PRKCA: variants seen among roughly 807,000 people sequenced by gnomAD.
PRKCA encodes protein kinase C alpha, also known as protein kinase C alpha type.
PRKCA carries 27 observed loss-of-function variants against 87.0 expected under a neutral mutation model. That is an observed-to-expected ratio of 0.31 (90% CI 0.23 to 0.43). The LOEUF (loss-of-function observed/expected upper bound fraction) is 0.43. Among genes scored for constraint, PRKCA ranks in the 20% least tolerant of loss-of-function variants. The probability of loss-of-function intolerance (pLI) is 1.00; values close to 1 mark genes in which losing one functional copy is unlikely to be tolerated. For synonymous variants in PRKCA, 329 were observed against 311.1 expected (o/e 1.06, Z -0.61); for missense variants, 518 against 852.3 (o/e 0.61, Z 4.88).
chr17:66,748,939 C>T (rs1389409601), intron 13 of PRKCA, among the ~76,000 whole-genome samples: 2 of 151,862 alleles, frequency 1.3e-5, no homozygotes, highest in South Asian at 2.1e-4. Context: ...GGAGACCTCA[C>T]GGTGGCAGGA....
At chr17:66,690,950 C>G (rs1972767387) in intron 8 of PRKCA, among the ~76,000 whole-genome samples, 1 of 151,906 alleles carries the variant, frequency 6.6e-6, no homozygotes, top group Non-Finnish European at 1.5e-5. Context: ...TTGAAATCAG[C>G]CTGGGCAACA....
At chr17:66,314,618 G>A (rs903923206) in intron 2 of PRKCA, among the ~76,000 whole-genome samples, 17 of 152,078 alleles carry the variant, frequency 1.1e-4, no homozygotes, top group East Asian at 3.9e-4. Flanking sequence ...CATCTGTCCC[G>A]TCCACGGTGA....
intron 2 of PRKCA, among the ~76,000 whole-genome samples, chr17:66,382,035 G>A (rs747881938): frequency 1.6e-4 from 25 of 152,150 alleles, no homozygotes; most frequent in Non-Finnish European, 2.6e-4. Flanking sequence ...TCCTCTGTTT[G>A]TCACCATTAT....
rs180728784 is a variant in PRKCA, at chr17:66,384,407, A to C, written c.205+78280A>C. On this transcript the variant is annotated intron_variant, in intron 2 of 16. Coordinates refer to ENST00000413366, the MANE Select transcript of PRKCA (RefSeq NM_002737.3). The stretch of plus-strand genomic sequence containing the variant: ...TCATTAAAACCAGGGATTTTCTCGC[A>C]CATTTCCTAAGAGAATTACAAATAT... Among the ~76,000 whole-genome samples the C allele has an allele frequency of 2.6e-5, 4 of 152,336 alleles. No individual in the cohort carries two copies. In the East Asian group the frequency reaches 7.7e-4, roughly 29 times the overall value.
intron 3 of PRKCA, among the ~76,000 whole-genome samples, chr17:66,609,494 G>A (rs1387450730): frequency 6.6e-6 from 1 of 152,176 alleles, no homozygotes; most frequent in Non-Finnish European, 1.5e-5. Context: ...TCATCGATCA[G>A]TCCTGTCGGT....
At chr17:66,645,641 C>A in intron 5 of PRKCA, 130 bp downstream of exon 5, 2 of 1,338,654 alleles carry the variant, frequency 1.5e-6, no homozygotes, top group Non-Finnish European at 2.1e-6. Context: ...CCTGGTGGAG[C>A]CATCACTGTC....
chr17:66,334,269 C>T (rs1171258290), intron 2 of PRKCA, among the ~76,000 whole-genome samples: 1 of 151,890 alleles, frequency 6.6e-6, no homozygotes, highest in Non-Finnish European at 1.5e-5. Context: ...CAAAACAAAA[C>T]ACCAAAAAAA....
chr17:66,623,094 G>A (rs946330994), intron 3 of PRKCA, among the ~76,000 whole-genome samples: 9 of 152,130 alleles, frequency 5.9e-5, no homozygotes, highest in African/African-American at 2.2e-4. Context: ...ATCTTCCACT[G>A]GTCATTTCTT....
Position 66,732,595 on chromosome 17 carries a change from G to C in PRKCA, c.919-93G>C. The C allele has an allele frequency of 4.0e-6, 6 of 1,516,506 alleles. 1 individual carries two copies. In the South Asian group the frequency reaches 6.8e-5, roughly 17 times the overall value. The allele number at this position is 1,516,506 out of a possible 1,614,324, so 93.9% of individuals were successfully genotyped here. A position where few individuals can be genotyped will look rare whatever the true frequency, so the allele number is the denominator to read the frequency against. On this transcript the variant is annotated intron_variant, in intron 8 of 16. Transcript: ENST00000413366. ...TTTTCTCACCCCATCCCACCTCCAA[G>C]CAAACATTAAACTCAGTTACAACAC...
At chr17:66,525,183 A>C (rs1410622379) in intron 3 of PRKCA, among the ~76,000 whole-genome samples, 1 of 152,160 alleles carries the variant, frequency 6.6e-6, no homozygotes, top group African/African-American at 2.4e-5. Flanking sequence ...CTCCTGGAGG[A>C]TGAGAGACCA....
At chr17:66,516,492 G>A (rs1160686786) in intron 3 of PRKCA, among the ~76,000 whole-genome samples, 14 of 152,106 alleles carry the variant, frequency 9.2e-5, no homozygotes, top group Admixed American at 9.2e-4. Context: ...AATTAGCCAG[G>A]CGTGATGGTG....
chr17:66,763,924 C>T (rs2093348324), intron 13 of PRKCA, among the ~76,000 whole-genome samples: 1 of 152,144 alleles, frequency 6.6e-6, no homozygotes, highest in African/African-American at 2.4e-5. Flanking sequence ...CTGTTTTGAT[C>T]CTGTTAAGCA....
chr17:66,659,413 G>C (rs1407653710), intron 5 of PRKCA, among the ~76,000 whole-genome samples: 1 of 152,146 alleles, frequency 6.6e-6, no homozygotes, highest in Non-Finnish European at 1.5e-5. Context: ...CTGTGGAGCA[G>C]AGTTTGAAAG....
intron 2 of PRKCA, among the ~76,000 whole-genome samples, chr17:66,394,856 C>T (rs891152832): frequency 6.6e-6 from 1 of 152,104 alleles, no homozygotes; most frequent in Non-Finnish European, 1.5e-5. Flanking sequence ...GGTGCCTTGC[C>T]TCCCCTTCGC....
At position 66,346,455 on chromosome 17, in the gene PRKCA, C is replaced by T. The variant is rs550879540; in HGVS notation, c.205+40328C>T. 5.2e-4 allele frequency among the ~76,000 whole-genome samples: 79 copies of T among 151,718 alleles called. 1 individual carries two copies. Among genetic ancestry groups the T allele is most frequent in the African/African-American group, 1.7e-3 (70 of 41,378 alleles). On this transcript the variant is annotated intron_variant, in intron 2 of 16. Transcript: ENST00000413366. Reference sequence around the variant, plus strand: ...AGAGACAGAGTCTTGCTATATTGCCCGGGATGGACTTTTGAACTCTTGGGC... The same window carrying T: ...AGAGACAGAGTCTTGCTATATTGCCTGGGATGGACTTTTGAACTCTTGGGC...
At chr17:66,731,870 GC>G (rs1329272862) in intron 8 of PRKCA, among the ~76,000 whole-genome samples, 1 of 121,674 alleles carries the variant, frequency 8.2e-6, no homozygotes, top group Non-Finnish European at 1.6e-5. Context: ...TGCAACCTCC[GC>G]CCCCCGCCCC....
intron 2 of PRKCA, among the ~76,000 whole-genome samples, chr17:66,453,415 T>C (rs916759458): frequency 6.6e-6 from 1 of 151,996 alleles, no homozygotes; most frequent in Non-Finnish European, 1.5e-5. Flanking sequence ...CCTCCTGGGT[T>C]CAAGCGATTC....
chr17:66,481,804 T>C (rs895583662), intron 2 of PRKCA, among the ~76,000 whole-genome samples: 1 of 151,940 alleles, frequency 6.6e-6, no homozygotes, highest in African/African-American at 2.4e-5. Flanking sequence ...TACAACTCTA[T>C]TTTGAAAGTG....
chr17:66,371,754 G>A (rs1330515108), intron 2 of PRKCA, among the ~76,000 whole-genome samples: 1 of 152,158 alleles, frequency 6.6e-6, no homozygotes, highest in Non-Finnish European at 1.5e-5. Flanking sequence ...CATTAGAGCA[G>A]GCAGGGTGCC....
Sources: allele counts gnomAD v4.1 joint callset (sites outside exome capture counted in the v4.1 genomes callset), GRCh38; gene constraint gnomAD v4.1.1; transcripts MANE v1.5; gene names NCBI Gene and HGNC (gene_info 2026-07-23, HGNC 2026-07-21).